Variants in WDFY1 observed in about 807,000 individuals in gnomAD.
WDFY1 encodes the protein WD repeat and FYVE domain containing 1.
In WDFY1, 32 loss-of-function variants were observed where a neutral mutation model predicts 56.4. The ratio of observed to expected loss-of-function variants is 0.57; its 90% confidence interval spans 0.43 to 0.76. The LOEUF is 0.76. Among genes scored for constraint, WDFY1 ranks in the 30% least tolerant of loss-of-function variants. WDFY1 has a pLI of 0.00. For missense variants in WDFY1, 480 were observed against 545.7 expected (o/e 0.88, Z 1.20); for synonymous variants, 192 against 197.3 (o/e 0.97, Z 0.23).
chr2:223,918,689 A>G (rs1409145617), intron 1 of WDFY1, among the ~76,000 whole-genome samples: 1 of 152,008 alleles, frequency 6.6e-6, no homozygotes, highest in African/African-American at 2.4e-5. Context: ...AGAAAACAGA[A>G]CTGTTAACTG....
At position 223,934,081 on chromosome 2, in the gene WDFY1, CTTTTT is replaced by C. The variant is rs201021204; in HGVS notation, c.137+11062_137+11066del. ...TAAGGAATAGCAGCCTTTTTCTTTT[CTTTTT>C]TTTTTTTTTTTTTTTTTTGAGAAAG... On this transcript the variant is annotated intron_variant, in intron 1 of 11. Transcript: ENST00000233055. Among the ~76,000 whole-genome samples the C allele has an allele frequency of 7.8e-4, 106 of 136,058 alleles. 1 individual carries two copies. The highest frequency in any genetic ancestry group is 9.0e-4 in the Non-Finnish European group (57 of 63,540). The allele number at this position is 136,058 out of a possible 152,430, so 89.3% of individuals were successfully genotyped here. A position where few individuals can be genotyped will look rare whatever the true frequency, so the allele number is the denominator to read the frequency against.
chr2:223,897,387 TATA>T (rs567573664), intron 6 of WDFY1, among the ~76,000 whole-genome samples: 1 of 115,166 alleles, frequency 8.7e-6, no homozygotes, highest in East Asian at 2.3e-4. Flanking sequence ...TATATATATA[TATA>T]TTTTTTAAGA....
At chr2:223,930,463 G>C (rs1329990637) in intron 1 of WDFY1, among the ~76,000 whole-genome samples, 2 of 152,216 alleles carry the variant, frequency 1.3e-5, no homozygotes, top group East Asian at 3.8e-4. Flanking sequence ...CTGAGTAGCT[G>C]GGATTACAGG....
chr2:223,932,751 C>T (rs918492270), intron 1 of WDFY1, among the ~76,000 whole-genome samples: 10 of 151,800 alleles, frequency 6.6e-5, no homozygotes, highest in Non-Finnish European at 1.5e-4. Context: ...ATCTGATTTT[C>T]TGGTCATTCT....
intron 5 of WDFY1, 144 bp downstream of exon 5, chr2:223,901,039 A>C (rs1248694873): frequency 0.032 from 91 of 2,830 alleles, no homozygotes; most frequent in Non-Finnish European, 0.094. Flanking sequence ...TTTCCATGGT[A>C]AAAAAAAAAA....
intron 2 of WDFY1, among the ~76,000 whole-genome samples, chr2:223,915,952 C>G (rs1042573959): frequency 6.6e-6 from 1 of 152,170 alleles, no homozygotes; most frequent in Admixed American, 6.5e-5. Context: ...GTGTGAGAAC[C>G]AAGGTTACGC....
intron 8 of WDFY1, among the ~76,000 whole-genome samples, chr2:223,888,401 G>A (rs190553307): frequency 6.6e-6 from 1 of 151,970 alleles, no homozygotes; most frequent in Non-Finnish European, 1.5e-5. Flanking sequence ...TCTTCATAAG[G>A]GGCTGGCATT....
chr2:223,931,469 G>A (rs1041657959), intron 1 of WDFY1, among the ~76,000 whole-genome samples: 1 of 152,018 alleles, frequency 6.6e-6, no homozygotes, highest in Non-Finnish European at 1.5e-5. Context: ...ATAAGTAGAA[G>A]GATTCCTTTT....
chr2:223,886,490 C>T (rs956197296), intron 8 of WDFY1, among the ~76,000 whole-genome samples: 1 of 152,078 alleles, frequency 6.6e-6, no homozygotes, highest in Non-Finnish European at 1.5e-5. Context: ...TTTGGGAGGC[C>T]AAGGCAGGCG....
chr2:223,896,155 C>CAAAGAAAAAAAAAAAAAAAAA, intron 6 of WDFY1, among the ~76,000 whole-genome samples: 1 of 39,828 alleles, frequency 2.5e-5, no homozygotes. Flanking sequence ...GACTCTGTCT[C>CAAAGAAAAAAAAAAAAAAAAA]AAAAAAAAAA....
chr2:223,907,311 T>C (rs1693613896), intron 3 of WDFY1, among the ~76,000 whole-genome samples: 1 of 152,052 alleles, frequency 6.6e-6, no homozygotes, highest in Admixed American at 6.6e-5. Flanking sequence ...TAAATTGACA[T>C]GGATATTATG....
intron 1 of WDFY1, among the ~76,000 whole-genome samples, chr2:223,939,962 C>T (rs1689271057): frequency 6.6e-6 from 1 of 152,216 alleles, no homozygotes; most frequent in Non-Finnish European, 1.5e-5. Flanking sequence ...CTTTTCTTCT[C>T]AAAATGCTCT....
intron 1 of WDFY1, among the ~76,000 whole-genome samples, chr2:223,927,758 C>T (rs1694009652): frequency 1.3e-5 from 2 of 152,326 alleles, no homozygotes; most frequent in South Asian, 4.1e-4. Flanking sequence ...CCTGTCTCAG[C>T]TTTTGATGTG....
chr2:223,905,984 T>C lies in WDFY1; in HGVS notation c.297A>G (p.Glu99=). ...NGAVMEFHVS[E]DFNKMNFIKT... is the part of the protein sequence containing the mutation. ...TGATAAAGTTCATTTTATTAAAATC[T>C]TCAGAAACGTGAAATTCCTAAAAGC... is the stretch of plus-strand genomic sequence containing the variant. The change falls in exon 4 of 12, where the codon GAA becomes GAG. Residue 99 remains glutamate (E), a synonymous_variant. Transcript: ENST00000233055. The C allele has an allele frequency of 6.3e-7, 1 of 1,579,122 alleles. No homozygotes were observed. The highest frequency in any genetic ancestry group is 8.6e-7 in the Non-Finnish European group (1 of 1,165,792).
chr2:223,893,871 G>A (rs1693318297), intron 8 of WDFY1, among the ~76,000 whole-genome samples: 1 of 152,172 alleles, frequency 6.6e-6, no homozygotes, highest in African/African-American at 2.4e-5. Flanking sequence ...CATCTCTCAG[G>A]GTTTCCTACA....
chr2:223,910,490 A>G (rs886621345), intron 3 of WDFY1, among the ~76,000 whole-genome samples: 124 of 152,042 alleles, frequency 8.2e-4, no homozygotes, highest in African/African-American at 2.9e-3. Context: ...AGGAGAAGAT[A>G]TTTGCAGATC....
intron 1 of WDFY1, among the ~76,000 whole-genome samples, chr2:223,935,208 A>C (rs1480489227): frequency 6.6e-6 from 1 of 152,168 alleles, no homozygotes; most frequent in Non-Finnish European, 1.5e-5. Flanking sequence ...ACTGGACTCT[A>C]CTGACGCTAA....
At chr2:223,903,917 C>T (rs1178946436) in intron 4 of WDFY1, among the ~76,000 whole-genome samples, 1 of 152,000 alleles carries the variant, frequency 6.6e-6, no homozygotes, top group Non-Finnish European at 1.5e-5. Flanking sequence ...CCACAACTGT[C>T]CAGATGAAAT....
chr2:223,914,088 T>G (rs573844096), intron 2 of WDFY1, among the ~76,000 whole-genome samples: 72 of 133,908 alleles, frequency 5.4e-4, no homozygotes, highest in African/African-American at 1.9e-3. Context: ...CCTCCGCCAC[T>G]TGGGTTCAAG....
Sources: allele counts gnomAD v4.1 joint callset (sites outside exome capture counted in the v4.1 genomes callset), GRCh38; gene constraint gnomAD v4.1.1; transcripts MANE v1.5; gene names NCBI Gene and HGNC (gene_info 2026-07-23, HGNC 2026-07-21).